The following LRRC51 variants were observed in gnomAD, a reference collection of about 807,000 sequenced individuals.
LRRC51 encodes the protein leucine rich repeat containing 51.
LRRC51 carries 8 observed loss-of-function variants against 17.8 expected under a neutral mutation model. The observed-to-expected ratio is 0.45, with a 90% CI of 0.26 to 0.81. LRRC51 has a LOEUF of 0.81. Ranked by LOEUF, LRRC51 falls within the 30% of genes least tolerant of loss-of-function variation. The probability of loss-of-function intolerance (pLI) is 0.17; values close to 1 mark genes in which losing one functional copy is unlikely to be tolerated. For synonymous variants in LRRC51, 92 were observed against 96.0 expected (o/e 0.96, Z 0.24); for missense variants, 233 against 239.3 (o/e 0.97, Z 0.17).
chr11:72,089,247 A>G, intron 3 of LRRC51, 82 bp downstream of exon 3: 1 of 1,600,994 alleles, frequency 6.2e-7, no homozygotes, highest in Non-Finnish European at 8.5e-7. Context: ...AATCTACTTA[A>G]AAGCCTAAAG....
intron 1 of LRRC51, among the ~76,000 whole-genome samples, chr11:72,082,454 C>G (rs1158735408): frequency 6.6e-6 from 1 of 152,196 alleles, no homozygotes. Context: ...AAGTGTGTAT[C>G]TCAAGCCCAG....
At chr11:72,094,799 G>T (rs756879158) in intron 4 of LRRC51, 149 bp from the exon 5 acceptor site, 1 of 1,410,892 alleles carries the variant, frequency 7.1e-7, no homozygotes, top group East Asian at 2.3e-5. Context: ...AATAAAAGTA[G>T]GTTACAGTCA....
At chr11:72,088,638 A>T in intron 2 of LRRC51, 1 of 563,154 alleles carries the variant, frequency 1.8e-6, no homozygotes, top group Non-Finnish European at 3.2e-6. Flanking sequence ...GGTGGGTATC[A>T]AGACAGTCTC....
chr11:72,087,287 CTT>C (rs58257513), intron 1 of LRRC51, among the ~76,000 whole-genome samples: 152 of 107,248 alleles, frequency 1.4e-3, no homozygotes, highest in Middle Eastern at 4.7e-3. Context: ...AACAGAAATT[CTT>C]TTTTTTTTTT....
intron 5 of LRRC51, 41 bp from the exon 6 acceptor site, chr11:72,095,338 C>T: frequency 6.2e-7 from 1 of 1,613,190 alleles, no homozygotes. Context: ...GAAGGGGATT[C>T]TGGTGGGGGT....
chr11:72,089,398 G>A (rs1565316204), intron 3 of LRRC51: 1 of 1,443,118 alleles, frequency 6.9e-7, no homozygotes, highest in Admixed American at 2.1e-5. Context: ...ATGTGCCCCT[G>A]TTTGTTTTTT....
At chr11:72,094,896 G>A (rs1358937559) in intron 4 of LRRC51, 52 bp from the exon 5 acceptor site, 1 of 1,614,174 alleles carries the variant, frequency 6.2e-7, no homozygotes, top group Non-Finnish European at 8.5e-7. Flanking sequence ...CCTGAGCAGA[G>A]ATTCAGGGTC....
intron 5 of LRRC51, 105 bp downstream of exon 5, chr11:72,095,201 G>A: frequency 6.4e-7 from 1 of 1,562,832 alleles, no homozygotes; most frequent in Non-Finnish European, 8.7e-7. Flanking sequence ...GCTTGGACCT[G>A]GGAAGGGAGT....
chr11:72,082,854 C>A (rs1360287832), intron 1 of LRRC51, among the ~76,000 whole-genome samples: 1 of 151,894 alleles, frequency 6.6e-6, no homozygotes, highest in Non-Finnish European at 1.5e-5. Flanking sequence ...CACTCTCTAC[C>A]CCACCCCCAA....
chr11:72,094,691 G>C, intron 4 of LRRC51: 1 of 730,406 alleles, frequency 1.4e-6, no homozygotes, highest in Non-Finnish European at 2.4e-6. Flanking sequence ...AAGGCTGAGA[G>C]AGGCAAGTCA....
Position 72,096,567 on chromosome 11 carries a change from G to A in LRRC51, c.*1047G>A. On this transcript the variant is annotated 3_prime_UTR_variant, in exon 6 of 6. Coordinates refer to ENST00000289488, the MANE Select transcript of LRRC51 (RefSeq NM_145309.6). ...TAGTCTTATTTTGCTGAAAAAGGGA[G>A]GCAATTGAGGGAAAGGCCTGCTGGC... is the stretch of plus-strand genomic sequence containing the variant. 2 of 1,372,586 alleles carry A rather than the reference G, an allele frequency of 1.5e-6. No individual in the cohort carries two copies. The highest frequency in any genetic ancestry group is 1.9e-6 in the Non-Finnish European group (2 of 1,061,762). The allele number at this position is 1,372,586 out of a possible 1,614,324, so 85.0% of individuals were successfully genotyped here. A position where few individuals can be genotyped will look rare whatever the true frequency, so the allele number is the denominator to read the frequency against.
intron 5 of LRRC51, 66 bp downstream of exon 5, chr11:72,095,162 C>T (rs1467230812): frequency 6.3e-7 from 1 of 1,593,118 alleles, no homozygotes; most frequent in Non-Finnish European, 8.6e-7. Context: ...GGAGGAGAAA[C>T]AAGAAATCTA....
At chr11:72,089,647 G>A in intron 3 of LRRC51, 1 of 1,127,312 alleles carries the variant, frequency 8.9e-7, no homozygotes, top group African/African-American at 1.6e-5. Flanking sequence ...AATCTGACTG[G>A]CCAAACATGA....
At chr11:72,091,473 G>A (rs1944856127) in intron 3 of LRRC51, among the ~76,000 whole-genome samples, 1 of 152,024 alleles carries the variant, frequency 6.6e-6, no homozygotes, top group Non-Finnish European at 1.5e-5. Flanking sequence ...AGGAGGAGAG[G>A]TGGGGGTGGA....
intron 3 of LRRC51, among the ~76,000 whole-genome samples, chr11:72,091,399 C>G (rs1944851668): frequency 6.6e-6 from 1 of 152,068 alleles, no homozygotes; most frequent in South Asian, 2.1e-4. Context: ...AATTGTGGGT[C>G]CTGCTCACTC....
intron 1 of LRRC51, among the ~76,000 whole-genome samples, chr11:72,081,141 G>T (rs1267665945): frequency 6.6e-6 from 1 of 152,208 alleles, no homozygotes; most frequent in Non-Finnish European, 1.5e-5. Context: ...CCACCCCCAG[G>T]GCCGGGAGCG....
chr11:72,093,893 T>C (rs1454761745), intron 4 of LRRC51, among the ~76,000 whole-genome samples, 192 bp downstream of exon 4: 1 of 152,238 alleles, frequency 6.6e-6, no homozygotes, highest in Non-Finnish European at 1.5e-5. Flanking sequence ...ACTGTGACTT[T>C]GAGCAAGCTA....
chr11:72,091,520 G>C (rs1944859378), intron 3 of LRRC51, among the ~76,000 whole-genome samples: 1 of 152,146 alleles, frequency 6.6e-6, no homozygotes, highest in Non-Finnish European at 1.5e-5. Flanking sequence ...GAGCAGAAGA[G>C]AGTGAAGAAA....
chr11:72,095,517 T>G lies in LRRC51; in HGVS notation c.576T>G (p.Leu192=). Residue 192 remains leucine, a synonymous_variant, in exon 6 of 6, where the codon CTT becomes CTG. Transcript: ENST00000289488. The part of the protein sequence containing the change: ...PKKAWTKQNT[L] ...AGGCCTGGACCAAGCAGAATACACT[T>G]TGAGGCTCCCACGACCCTAGTAGTC... The G allele has an allele frequency of 1.2e-6, 2 of 1,613,720 alleles. No homozygotes were observed. Among genetic ancestry groups the G allele is most frequent in the South Asian group, 2.2e-5 (2 of 91,022 alleles).
Sources: allele counts gnomAD v4.1 joint callset (sites outside exome capture counted in the v4.1 genomes callset), GRCh38; gene constraint gnomAD v4.1.1; transcripts MANE v1.5; gene names NCBI Gene and HGNC (gene_info 2026-07-23, HGNC 2026-07-21).